Variants in TMEM123 observed in about 807,000 individuals in gnomAD.
TMEM123 encodes the protein porimin.
A neutral mutation model predicts 19.7 loss-of-function variants in TMEM123; 16 were observed. The observed-to-expected ratio is 0.81, with a 90% CI of 0.55 to 1.23. The LOEUF is 1.23. Ranked by LOEUF, TMEM123 falls within the 50% of genes most tolerant of loss-of-function variation. The pLI, the probability that TMEM123 is intolerant of heterozygous loss-of-function variation, is 0.00. For missense variants in TMEM123, 313 were observed against 257.8 expected (o/e 1.21, Z -1.47); for synonymous variants, 118 against 99.4 (o/e 1.19, Z -1.12).
chr11:102,402,897 TAAA>T (rs1951925331), intron 2 of TMEM123, among the ~76,000 whole-genome samples: 1 of 152,240 alleles, frequency 6.6e-6, no homozygotes, highest in South Asian at 2.1e-4. Flanking sequence ...ATTAGTGATT[TAAA>T]ATACACAACT....
intron 2 of TMEM123, chr11:102,448,232 G>T: frequency 2.2e-6 from 1 of 456,142 alleles, no homozygotes; most frequent in Non-Finnish European, 4.4e-6. Context: ...TACAAGAAAC[G>T]TACCTTGATG....
At position 102,396,779 on chromosome 11, in the gene TMEM123, ATAAC is replaced by A. The variant is rs758650464; in HGVS notation, c.*2084_*2087del. The A allele has an allele frequency of 6.6e-6, 1 of 152,276 alleles. No homozygotes were observed. Among genetic ancestry groups the A allele is most frequent in the Non-Finnish European group, 1.5e-5 (1 of 68,056 alleles). 9.4% of individuals were successfully genotyped at this position (152,276 alleles called of 1,614,324 possible). The stretch of plus-strand genomic sequence containing the variant: ...ACTACTTACATACAGAGAAAAAGAC[ATAAC>A]TAAACTACTTCAAACCCAATGCAGA... On this transcript the variant is annotated 3_prime_UTR_variant, in exon 5 of 5. Transcript: ENST00000398136.
chr11:102,405,269 G>T (rs766240826), intron 2 of TMEM123, among the ~76,000 whole-genome samples: 2 of 151,260 alleles, frequency 1.3e-5, no homozygotes, highest in South Asian at 2.1e-4. Context: ...GGATGGTCTC[G>T]ATCTGATCTC....
chr11:102,452,753 T>G lies in TMEM123; in HGVS notation c.-130A>C. 3.0e-6 allele frequency: 2 copies of G among 666,376 alleles called. No individual in the cohort carries two copies. Among genetic ancestry groups the G allele is most frequent in the East Asian group, 3.5e-5 (1 of 28,346 alleles). 41.3% of individuals were successfully genotyped at this position (666,376 alleles called of 1,614,324 possible). On this transcript the variant is annotated 5_prime_UTR_variant, in exon 1 of 5. Transcript: ENST00000398136. Reference sequence around the variant, plus strand: ...CCGCGCACGTTTCCCCTCCCGCCGCTTGCCCCCCGAATGACCAAATAGGGC... The same window carrying G: ...CCGCGCACGTTTCCCCTCCCGCCGCGTGCCCCCCGAATGACCAAATAGGGC...
At position 102,417,861 on chromosome 11, in the gene TMEM123, T is replaced by C. The variant is rs181131994; in HGVS notation, c.158-15655A>G. 3.7e-3 allele frequency among the ~76,000 whole-genome samples: 566 copies of C among 152,042 alleles called. 4 individuals carry two copies. The highest frequency in any genetic ancestry group is 6.1e-3 in the Admixed American group (93 of 15,270). ...CTCACAACTACAGCCATCTGATCTT[T>C]GATAAAGTTTAAAAAAAAAAAGTGC... is the stretch of plus-strand genomic sequence containing the variant. On this transcript the variant is annotated intron_variant, in intron 2 of 4. Coordinates refer to ENST00000398136, the MANE Select transcript of TMEM123 (RefSeq NM_052932.3).
chr11:102,399,400 G>A (rs750133096), intron 4 of TMEM123, among the ~76,000 whole-genome samples: 5 of 152,164 alleles, frequency 3.3e-5, no homozygotes, highest in Admixed American at 1.3e-4. Flanking sequence ...ACCCGTGATC[G>A]CACCACTGCA....
At chr11:102,402,584 C>T (rs1489324120) in intron 2 of TMEM123, among the ~76,000 whole-genome samples, 2 of 152,162 alleles carry the variant, frequency 1.3e-5, no homozygotes, top group Non-Finnish European at 2.9e-5. Context: ...GATGGATAAA[C>T]TAATGAATAT....
chr11:102,441,733 C>CA (rs781129811), intron 2 of TMEM123, among the ~76,000 whole-genome samples: 12,627 of 129,598 alleles, frequency 0.097, 587 homozygotes, highest in Non-Finnish European at 0.13. Flanking sequence ...AAAAACCCTT[C>CA]AAAAAAAAAA....
At chr11:102,443,966 C>G (rs934835082) in intron 2 of TMEM123, among the ~76,000 whole-genome samples, 1 of 152,148 alleles carries the variant, frequency 6.6e-6, no homozygotes, top group Non-Finnish European at 1.5e-5. Flanking sequence ...CACTGGTCAT[C>G]AGAGAAATGC....
At chr11:102,403,621 T>C (rs540600256) in intron 2 of TMEM123, among the ~76,000 whole-genome samples, 2 of 152,360 alleles carry the variant, frequency 1.3e-5, no homozygotes, top group African/African-American at 4.8e-5. Flanking sequence ...TGCCTACTGC[T>C]ATGGTTTGGA....
intron 1 of TMEM123, chr11:102,452,197 G>C: frequency 4.1e-6 from 1 of 241,422 alleles, no homozygotes; most frequent in Non-Finnish European, 7.9e-6. Flanking sequence ...CTCTAACCTC[G>C]GCAAACATTA....
chr11:102,421,155 G>C (rs1400743189), intron 2 of TMEM123, among the ~76,000 whole-genome samples: 1 of 152,108 alleles, frequency 6.6e-6, no homozygotes, highest in African/African-American at 2.4e-5. Flanking sequence ...CCTCCACTGG[G>C]TATGTACCAA....
At chr11:102,440,272 G>A (rs1015435782) in intron 2 of TMEM123, among the ~76,000 whole-genome samples, 8 of 152,104 alleles carry the variant, frequency 5.3e-5, no homozygotes, top group Non-Finnish European at 1.0e-4. Flanking sequence ...TTGAAATGAA[G>A]GAAAAAATAC....
intron 2 of TMEM123, among the ~76,000 whole-genome samples, chr11:102,436,748 GAA>G (rs1857766946): frequency 6.8e-6 from 1 of 147,428 alleles, no homozygotes; most frequent in African/African-American, 2.4e-5. Context: ...TAGTCTGAAA[GAA>G]GGAAGTCATG....
chr11:102,411,012 C>T (rs1951999602), intron 2 of TMEM123, among the ~76,000 whole-genome samples: 1 of 152,134 alleles, frequency 6.6e-6, no homozygotes, highest in Admixed American at 6.5e-5. Context: ...CACAGAGTTT[C>T]TAAAATCCCT....
chr11:102,451,457 G>C (rs1857938164), intron 1 of TMEM123, among the ~76,000 whole-genome samples: 1 of 152,158 alleles, frequency 6.6e-6, no homozygotes, highest in Non-Finnish European at 1.5e-5. Flanking sequence ...AATTCACCCA[G>C]GTTATTCCAG....
chr11:102,404,515 A>G (rs1182866442), intron 2 of TMEM123, among the ~76,000 whole-genome samples: 2 of 151,918 alleles, frequency 1.3e-5, no homozygotes, highest in Non-Finnish European at 2.9e-5. Context: ...AACTCCTGAC[A>G]TCAGGTGATC....
intron 2 of TMEM123, among the ~76,000 whole-genome samples, chr11:102,430,581 T>G (rs566463599): frequency 3.9e-5 from 6 of 152,274 alleles, no homozygotes; most frequent in South Asian, 4.1e-4. Context: ...GAAGAGCTCT[T>G]CAGGTAGTGA....
At chr11:102,447,059 G>A (rs1317552331) in intron 2 of TMEM123, among the ~76,000 whole-genome samples, 1 of 152,160 alleles carries the variant, frequency 6.6e-6, no homozygotes, top group Non-Finnish European at 1.5e-5. Flanking sequence ...AAGATACAAA[G>A]AGGAATGCGA....
Sources: allele counts gnomAD v4.1 joint callset (sites outside exome capture counted in the v4.1 genomes callset), GRCh38; gene constraint gnomAD v4.1.1; transcripts MANE v1.5; gene names NCBI Gene and HGNC (gene_info 2026-07-23, HGNC 2026-07-21).